The following DMD variants were observed in gnomAD, a reference collection of about 807,000 sequenced individuals.
DMD encodes the protein mutant dystrophin.
Under a neutral mutation model 330.1 loss-of-function variants are expected in DMD, and 63 were observed. The ratio of observed to expected loss-of-function variants is 0.19; its 90% CI spans 0.16 to 0.24. DMD has a LOEUF of 0.24. DMD is among the 10% of genes least tolerant of loss of function. The probability of loss-of-function intolerance (pLI) is 1.00; values close to 1 mark genes in which losing one functional copy is unlikely to be tolerated. For missense variants in DMD, 3,344 were observed against 2,684.1 expected (o/e 1.25, Z -5.43); for synonymous variants, 1,223 against 959.8 (o/e 1.27, Z -5.07).
At chrX:32,429,065 A>G (rs1220572823) in intron 29 of DMD, among the ~76,000 whole-genome samples, 1 of 110,986 alleles carries the variant, frequency 9.0e-6, no homozygotes, top group Non-Finnish European at 1.9e-5. Context: ...TTTTCGATAT[A>G]TGTGTCTTTA....
intron 1 of DMD, among the ~76,000 whole-genome samples, chrX:33,092,275 G>T (rs990937100): frequency 6.3e-5 from 7 of 111,734 alleles, no homozygotes; most frequent in Non-Finnish European, 9.4e-5. Flanking sequence ...TTTAAAAGTT[G>T]TGCTTTATAA....
chrX:31,214,271 A>C (rs1445735388), intron 64 of DMD, among the ~76,000 whole-genome samples: 1 of 112,204 alleles, frequency 8.9e-6, no homozygotes, highest in Non-Finnish European at 1.9e-5. Context: ...TGCCAGACCT[A>C]GTAGTCCCTG....
At chrX:32,996,090 G>T (rs776887569) in intron 2 of DMD, among the ~76,000 whole-genome samples, 1 of 111,812 alleles carries the variant, frequency 8.9e-6, no homozygotes, top group South Asian at 3.7e-4. Context: ...AAAATTACAG[G>T]CTAATGACTC....
rs199994602 is a variant in DMD, at chrX:31,314,742, CAGAGAGAG to C, written c.9224+8848_9224+8855del. ...ATTTCTTTAAAAAAGAATACATACACAGAGAGAGAGAGAGAGAGAGAGAGAGAGAGAGA... is the reference window on the plus strand; with the variant it reads ...ATTTCTTTAAAAAAGAATACATACACAGAGAGAGAGAGAGAGAGAGAGAGA... On this transcript the variant is annotated intron_variant, in intron 62 of 78. Transcript: ENST00000357033. Among the ~76,000 whole-genome samples the C allele has an allele frequency of 9.2e-3, 505 of 55,133 alleles. 11 individuals are homozygous for C. The highest frequency in any genetic ancestry group is 0.078 in the Admixed American group (376 of 4,828). 47.9% of individuals were successfully genotyped at this position (55,133 alleles called of 115,157 possible). A position where few individuals can be genotyped will look rare whatever the true frequency, so the allele number is the denominator to read the frequency against.
intron 48 of DMD, among the ~76,000 whole-genome samples, chrX:31,842,338 C>T (rs2093333405): frequency 8.9e-6 from 1 of 112,004 alleles, no homozygotes; most frequent in Non-Finnish European, 1.9e-5. Context: ...GAATCTACTC[C>T]TGGTGAAGAC....
At chrX:32,511,802 T>C (rs2045370725) in intron 18 of DMD, among the ~76,000 whole-genome samples, 1 of 111,530 alleles carries the variant, frequency 9.0e-6, no homozygotes, top group African/African-American at 3.3e-5. Context: ...AGGATCTATA[T>C]TTCATAACAT....
intron 1 of DMD, among the ~76,000 whole-genome samples, chrX:33,300,836 C>T (rs930310136): frequency 1.8e-5 from 2 of 111,847 alleles, no homozygotes; most frequent in Non-Finnish European, 3.8e-5. Context: ...ATTGCTGTCT[C>T]TTTTACATAC....
chrX:32,686,974 A>C (rs764748944), intron 9 of DMD, among the ~76,000 whole-genome samples: 31 of 111,849 alleles, frequency 2.8e-4, no homozygotes, highest in Non-Finnish European at 5.6e-4. Flanking sequence ...TCTCAGCTTG[A>C]GTGTCTTCAC....
chrX:31,687,986 T>A (rs913202813), intron 52 of DMD, among the ~76,000 whole-genome samples: 1 of 111,255 alleles, frequency 9.0e-6, no homozygotes, highest in African/African-American at 3.3e-5. Flanking sequence ...CCTATCTCTT[T>A]CTCTACCTCC....
chrX:32,976,208 G>A lies in DMD; in HGVS notation c.93+43931C>T, dbSNP rs1423100563. On this transcript the variant is annotated intron_variant, in intron 2 of 78. Coordinates refer to ENST00000357033, the MANE Select transcript of DMD (RefSeq NM_004006.3). ...TGCACTCCAGCTTTGGTAATAGAAC[G>A]AGACTCGTCTCAAAAAAAAAAAAAT... is the stretch of plus-strand genomic sequence containing the variant. Among the ~76,000 whole-genome samples the A allele has an allele frequency of 1.2e-4, 7 of 60,244 alleles. No individual in the cohort carries two copies. The East Asian group carries it at 1.7e-3, about 14-fold the overall frequency. The allele number at this position is 60,244 out of a possible 115,157, so 52.3% of individuals were successfully genotyped here. A position where few individuals can be genotyped will look rare whatever the true frequency, so the allele number is the denominator to read the frequency against.
At chrX:33,314,918 A>T (rs2053911770) in intron 1 of DMD, among the ~76,000 whole-genome samples, 1 of 110,831 alleles carries the variant, frequency 9.0e-6, no homozygotes, top group South Asian at 3.8e-4. Context: ...TCCTGGGTTC[A>T]AGCAATTCTC....
At chrX:31,572,198 T>C (rs1168158743) in intron 55 of DMD, among the ~76,000 whole-genome samples, 1 of 112,472 alleles carries the variant, frequency 8.9e-6, no homozygotes, top group Admixed American at 9.4e-5. Flanking sequence ...TGATTTCACA[T>C]ATAACAAATG....
intron 63 of DMD, among the ~76,000 whole-genome samples, chrX:31,244,227 C>G (rs775611924): frequency 7.1e-5 from 8 of 112,203 alleles, no homozygotes; most frequent in Non-Finnish European, 1.3e-4. Context: ...TACAAGGATA[C>G]TTGCCTTGTC....
rs1210192846 is a variant in DMD, at chrX:32,816,515, G to A, written c.483C>T (p.Thr161=). 2 of 1,211,552 alleles carry A rather than the reference G, an allele frequency of 1.7e-6. No individual in the cohort carries two copies. The highest frequency in any genetic ancestry group is 2.2e-6 in the Non-Finnish European group (2 of 895,331). ...TCAAAGCCAGGCCATCAGACCAGCT[G>A]GTGGTGAAGTTGATTACATTAACCT... is the stretch of plus-strand genomic sequence containing the variant. ...YPQVNVINFT[T]SWSDGLALNA... is the part of the protein sequence containing the mutation. The change falls in exon 6 of 79, where the codon ACC becomes ACT. Residue 161 remains threonine (T), a synonymous_variant. Transcript: ENST00000357033.
intron 1 of DMD, among the ~76,000 whole-genome samples, chrX:33,309,372 C>T (rs2053814788): frequency 9.0e-6 from 1 of 110,773 alleles, no homozygotes; most frequent in Non-Finnish European, 1.9e-5. Flanking sequence ...CTTTATATTC[C>T]CCAGTCAGCT....
At chrX:32,602,737 T>A (rs1186697964) in intron 12 of DMD, among the ~76,000 whole-genome samples, 1 of 111,216 alleles carries the variant, frequency 9.0e-6, no homozygotes, top group African/African-American at 3.3e-5. Flanking sequence ...ATGCACACAG[T>A]CTCTGTACCT....
At chrX:32,578,965 CTTACT>C (rs1409336994) in intron 13 of DMD, among the ~76,000 whole-genome samples, 2 of 111,612 alleles carry the variant, frequency 1.8e-5, no homozygotes, top group South Asian at 3.8e-4. Flanking sequence ...TGATTTTTCT[CTTACT>C]TTATCAACAA....
chrX:33,332,618 T>C lies in DMD; in HGVS notation c.7+6641A>G, dbSNP rs73623949. ...TTGATGACACCTTGAACATATACTT[T>C]GAATCTAAGGGAAAGGAGAGTCATA... On this transcript the variant is annotated intron_variant, in intron 1 of 17. Coordinates refer to the DMD transcript ENST00000288447. 6.6e-3 allele frequency among the ~76,000 whole-genome samples: 736 copies of C among 111,453 alleles called. 4 individuals carry two copies. Among genetic ancestry groups the C allele is most frequent in the African/African-American group, 0.023 (707 of 30,796 alleles).
At chrX:31,548,943 A>T (rs5972407) in intron 55 of DMD, among the ~76,000 whole-genome samples, 8,201 of 109,188 alleles carry the variant, frequency 0.075, 337 homozygotes, top group Admixed American at 0.18. Flanking sequence ...GATTTTTTTT[A>T]AAAAAAAAAC....
Sources: allele counts gnomAD v4.1 joint callset (sites outside exome capture counted in the v4.1 genomes callset), GRCh38; gene constraint gnomAD v4.1.1; transcripts MANE v1.5; gene names NCBI Gene and HGNC (gene_info 2026-07-23, HGNC 2026-07-21).